FOXP1: variants seen among roughly 807,000 people sequenced by gnomAD.
The protein encoded by FOXP1 is forkhead box protein P1.
Under a neutral mutation model 98.2 loss-of-function variants are expected in FOXP1, and 15 were observed. The observed-to-expected ratio is 0.15, with a 90% CI of 0.10 to 0.24. The LOEUF is 0.24. Among genes scored for constraint, FOXP1 ranks in the 10% least tolerant of loss-of-function variants. The pLI is 1.00. For missense variants in FOXP1, 633 were observed against 848.5 expected (o/e 0.75, Z 3.15); for synonymous variants, 371 against 314.5 (o/e 1.18, Z -1.90).
chr3:71,077,444 G>A (rs1370579048), intron 7 of FOXP1, among the ~76,000 whole-genome samples: 1 of 152,174 alleles, frequency 6.6e-6, no homozygotes, highest in Admixed American at 6.5e-5. Context: ...GAAACCGAAT[G>A]TCATGAAAAG....
At chr3:70,973,631 C>T (rs373191011) in intron 17 of FOXP1, among the ~76,000 whole-genome samples, 12 of 152,192 alleles carry the variant, frequency 7.9e-5, no homozygotes, top group East Asian at 3.9e-4. Context: ...GTTAAACTTA[C>T]GGATCCAGAC....
At chr3:71,405,821 C>T (rs571691894) in intron 3 of FOXP1, among the ~76,000 whole-genome samples, 1 of 151,956 alleles carries the variant, frequency 6.6e-6, no homozygotes, top group Non-Finnish European at 1.5e-5. Flanking sequence ...CTCTGCCTCC[C>T]GGGTTCAAGC....
chr3:71,046,833 A>G, intron 10 of FOXP1, 109 bp downstream of exon 10: 2 of 1,263,308 alleles, frequency 1.6e-6, no homozygotes, highest in South Asian at 2.4e-5. Flanking sequence ...AAAAGAATCT[A>G]TGTGCATGTT....
intron 6 of FOXP1, among the ~76,000 whole-genome samples, chr3:71,194,987 C>T (rs1363248529): frequency 6.6e-6 from 1 of 152,130 alleles, no homozygotes; most frequent in African/African-American, 2.4e-5. Flanking sequence ...TCGCCAACTC[C>T]GCTACCTAGA....
At chr3:71,078,126 C>T (rs1039595821) in intron 7 of FOXP1, among the ~76,000 whole-genome samples, 3 of 145,164 alleles carry the variant, frequency 2.1e-5, no homozygotes, top group Non-Finnish European at 3.1e-5. Context: ...ACCACCCCGC[C>T]CGGCCTCCTC....
At position 70,958,693 on chromosome 3, in the gene FOXP1, C is replaced by T. The variant is rs187437546; in HGVS notation, c.*554G>A. 9.6e-6 allele frequency: 2 copies of T among 209,218 alleles called. No homozygotes were observed. The highest frequency in any genetic ancestry group is 1.4e-4 in the East Asian group (2 of 14,774). 13.0% of individuals were successfully genotyped at this position (209,218 alleles called of 1,614,324 possible). ...TTGGGATAATTATTTTTTAACCCCT[C>T]CCCCCAATACACACACAAAGGCCTT... On this transcript the variant is annotated 3_prime_UTR_variant, in exon 21 of 21. Coordinates refer to ENST00000649528, the MANE Select transcript of FOXP1 (RefSeq NM_001349338.3).
intron 14 of FOXP1, among the ~76,000 whole-genome samples, chr3:70,982,686 C>T (rs2039059207): frequency 6.7e-6 from 1 of 150,188 alleles, no homozygotes; most frequent in Non-Finnish European, 1.5e-5. Context: ...CACTATTCTG[C>T]TTAGTCCCTT....
intron 18 of FOXP1, chr3:70,971,975 C>CA: frequency 7.4e-7 from 1 of 1,347,568 alleles, no homozygotes; most frequent in Non-Finnish European, 9.5e-7. Context: ...AAAGCAACAG[C>CA]AGAAAAAAAA....
chr3:71,101,679 A>G (rs1367327352), intron 7 of FOXP1, among the ~76,000 whole-genome samples: 1 of 89,552 alleles, frequency 1.1e-5, no homozygotes, highest in East Asian at 2.6e-4. Flanking sequence ...GGGAAAAAGC[A>G]AAAAAAAAAA....
intron 7 of FOXP1, among the ~76,000 whole-genome samples, chr3:71,107,050 T>G (rs911569245): frequency 2.6e-5 from 4 of 152,162 alleles, no homozygotes; most frequent in African/African-American, 4.8e-5. Flanking sequence ...ATTACAGGTG[T>G]GAGCCACTGT....
rs150718692 is a variant in FOXP1, at chr3:71,135,121, C to T, written c.181-22484G>A. 8.9e-3 allele frequency among the ~76,000 whole-genome samples: 1,345 copies of T among 151,694 alleles called. 17 individuals carry two copies. The highest frequency in any genetic ancestry group is 0.031 in the African/African-American group (1,267 of 41,328). On this transcript the variant is annotated intron_variant, in intron 6 of 20. Transcript: ENST00000649528. Reference sequence around the variant, plus strand: ...CAAAAATACAAAAATTAGCTGGGCGCGGTGATGCGTGCCTGTTGTCCCAGC... The same window carrying T: ...CAAAAATACAAAAATTAGCTGGGCGTGGTGATGCGTGCCTGTTGTCCCAGC...
At chr3:70,979,963 A>G (rs978237964) in intron 14 of FOXP1, among the ~76,000 whole-genome samples, 1 of 152,160 alleles carries the variant, frequency 6.6e-6, no homozygotes, top group African/African-American at 2.4e-5. Flanking sequence ...TTTCCTTTTT[A>G]TTTTCAGCGT....
intron 3 of FOXP1, among the ~76,000 whole-genome samples, chr3:71,419,234 CAAAAAAAAAAAAAAAAAA>C (rs36072859): frequency 2.1e-5 from 1 of 47,822 alleles, no homozygotes; most frequent in Non-Finnish European, 3.2e-5. Flanking sequence ...GACTCCATCT[CAAAAAAAAAAAAAAAAAA>C]AAAAAAAAAA....
intron 11 of FOXP1, among the ~76,000 whole-genome samples, chr3:71,027,725 A>G (rs1235919912): frequency 6.6e-6 from 1 of 152,234 alleles, no homozygotes; most frequent in Non-Finnish European, 1.5e-5. Context: ...TAATATTAGA[A>G]CTTGAAAATG....
intron 6 of FOXP1, among the ~76,000 whole-genome samples, chr3:71,188,192 T>C (rs918266828): frequency 1.3e-5 from 2 of 152,210 alleles, no homozygotes; most frequent in Non-Finnish European, 2.9e-5. Context: ...AGAGGTATAT[T>C]GTGCCCTTCA....
intron 6 of FOXP1, among the ~76,000 whole-genome samples, chr3:71,187,953 C>T (rs2108318383): frequency 6.6e-6 from 1 of 152,304 alleles, no homozygotes; most frequent in South Asian, 2.1e-4. Flanking sequence ...AAGGGTATAT[C>T]AAGAGTGAAT....
intron 6 of FOXP1, among the ~76,000 whole-genome samples, chr3:71,120,496 GT>G (rs1171479539): frequency 6.6e-6 from 1 of 152,224 alleles, no homozygotes; most frequent in African/African-American, 2.4e-5. Context: ...TTGCAAATAA[GT>G]TTATGAGACA....
At chr3:71,364,111 C>T in intron 3 of FOXP1, among the ~76,000 whole-genome samples, 1 of 152,210 alleles carries the variant, frequency 6.6e-6, no homozygotes, top group South Asian at 2.1e-4. Context: ...CGTGCCATCA[C>T]ACCCGGCTAA....
chr3:71,042,890 A>G (rs544149626), intron 10 of FOXP1, among the ~76,000 whole-genome samples: 1 of 152,336 alleles, frequency 6.6e-6, no homozygotes, highest in South Asian at 2.1e-4. Context: ...CTAAACTGTT[A>G]AAGATTTTAA....
Sources: gnomAD v4.1 joint callset for allele counts (sites outside exome capture counted in the v4.1 genomes callset) on GRCh38, gnomAD v4.1.1 for gene constraint, MANE v1.5 for transcripts, NCBI Gene and HGNC (gene_info 2026-07-23, HGNC 2026-07-21) for gene names.